Variants in CCDC192 observed in about 807,000 individuals in gnomAD.
CCDC192 encodes the protein coiled-coil domain-containing protein 192.
At chr5:127,755,098 T>A (rs1338204012) in intron 3 of CCDC192, among the ~76,000 whole-genome samples, 1 of 152,082 alleles carries the variant, frequency 6.6e-6, no homozygotes, top group Non-Finnish European at 1.5e-5. Flanking sequence ...CTGCTTGGAG[T>A]CTCGGTCCCC....
At chr5:127,846,969 C>T (rs1291205806) in intron 5 of CCDC192, among the ~76,000 whole-genome samples, 1 of 151,990 alleles carries the variant, frequency 6.6e-6, no homozygotes, top group Non-Finnish European at 1.5e-5. Context: ...TTCCACAGTC[C>T]CCCTCTTGTG....
intron 5 of CCDC192, among the ~76,000 whole-genome samples, chr5:127,812,809 G>A (rs995155893): frequency 1.3e-5 from 2 of 152,148 alleles, no homozygotes; most frequent in Admixed American, 6.6e-5. Flanking sequence ...TACTGCCTAC[G>A]AGTTTTGCAA....
intron 6 of CCDC192, among the ~76,000 whole-genome samples, chr5:127,895,588 C>T (rs1216957067): frequency 1.3e-5 from 2 of 152,050 alleles, no homozygotes; most frequent in African/African-American, 4.8e-5. Context: ...TCCTGTAATC[C>T]CAGCACTTTG....
chr5:127,927,031 G>T (rs944846605), intron 6 of CCDC192, among the ~76,000 whole-genome samples: 13 of 152,292 alleles, frequency 8.5e-5, no homozygotes, highest in Admixed American at 8.5e-4. Context: ...AAATCCATTG[G>T]ATTTGGTGGC....
At chr5:127,804,374 A>G (rs534136300) in intron 5 of CCDC192, among the ~76,000 whole-genome samples, 1 of 152,312 alleles carries the variant, frequency 6.6e-6, no homozygotes, top group African/African-American at 2.4e-5. Context: ...AGGAGTGGAC[A>G]TGTGCCAACT....
intron 3 of CCDC192, among the ~76,000 whole-genome samples, chr5:127,792,995 A>G (rs74467612): frequency 2.0e-4 from 31 of 152,336 alleles, no homozygotes; most frequent in African/African-American, 7.0e-4. Flanking sequence ...TCAAGCTACT[A>G]TAACAAAATA....
intron 6 of CCDC192, among the ~76,000 whole-genome samples, chr5:127,922,192 G>A (rs1430044882): frequency 6.6e-6 from 1 of 152,106 alleles, no homozygotes; most frequent in East Asian, 1.9e-4. Flanking sequence ...TTTTGATACA[G>A]TTGTGACTTT....
chr5:127,733,396 T>G (rs2126820889), intron 2 of CCDC192, among the ~76,000 whole-genome samples: 1 of 152,260 alleles, frequency 6.6e-6, no homozygotes, highest in East Asian at 1.9e-4. Context: ...CAGCAAACCC[T>G]GGAGTTATCA....
intron 3 of CCDC192, among the ~76,000 whole-genome samples, chr5:127,757,168 A>G (rs907816067): frequency 1.3e-5 from 2 of 152,206 alleles, no homozygotes; most frequent in Admixed American, 1.3e-4. Flanking sequence ...ATTGGAAGAC[A>G]TGGAGAATGA....
chr5:127,760,882 T>C (rs1754882735), intron 3 of CCDC192, among the ~76,000 whole-genome samples: 1 of 152,094 alleles, frequency 6.6e-6, no homozygotes, highest in Admixed American at 6.5e-5. Flanking sequence ...AGTCGTATGA[T>C]GAGACTCCTG....
intron 6 of CCDC192, among the ~76,000 whole-genome samples, chr5:127,904,623 C>T (rs1180914691): frequency 2.0e-5 from 3 of 151,650 alleles, no homozygotes; most frequent in African/African-American, 7.3e-5. Flanking sequence ...CTGCCTCAGC[C>T]CCTGAGTAGC....
At chr5:127,826,386 A>G (rs908303243) in intron 5 of CCDC192, among the ~76,000 whole-genome samples, 1 of 152,074 alleles carries the variant, frequency 6.6e-6, no homozygotes, top group African/African-American at 2.4e-5. Context: ...GATTTCTCAA[A>G]GAACTTAAAA....
chr5:127,711,844 C>T (rs984387904), intron 2 of CCDC192, among the ~76,000 whole-genome samples: 21 of 152,070 alleles, frequency 1.4e-4, no homozygotes, highest in Non-Finnish European at 2.8e-4. Context: ...TAAGAAATTA[C>T]ATCTCAAAAC....
At chr5:127,707,360 T>A (rs999454158) in intron 1 of CCDC192, among the ~76,000 whole-genome samples, 1 of 151,034 alleles carries the variant, frequency 6.6e-6, no homozygotes, top group Non-Finnish European at 1.5e-5. Context: ...GACAAAGAAT[T>A]CTCCACGTCT....
intron 2 of CCDC192, among the ~76,000 whole-genome samples, chr5:127,720,906 T>C (rs1086479): frequency 0.78 from 118,207 of 152,198 alleles, 46,025 homozygotes; most frequent in East Asian, 0.89. Flanking sequence ...CATGGCACCA[T>C]GTCCTGAGGC....
intron 6 of CCDC192, among the ~76,000 whole-genome samples, chr5:127,912,686 G>A (rs1367570424): frequency 6.6e-6 from 1 of 152,128 alleles, no homozygotes; most frequent in African/African-American, 2.4e-5. Flanking sequence ...GGATTACCTG[G>A]GGAGGAGGAA....
chr5:127,725,362 A>G (rs768625578), intron 2 of CCDC192, among the ~76,000 whole-genome samples: 7 of 152,202 alleles, frequency 4.6e-5, no homozygotes, highest in Non-Finnish European at 7.4e-5. Context: ...TAGTGTGTAA[A>G]GTAGCACTGT....
intron 2 of CCDC192, among the ~76,000 whole-genome samples, chr5:127,710,177 T>C (rs749699619): frequency 2.0e-5 from 3 of 151,486 alleles, no homozygotes; most frequent in Non-Finnish European, 4.4e-5. Flanking sequence ...CTGGAGGGAG[T>C]TGGGATTAGA....
At chr5:127,760,938 A>G (rs574573475) in intron 3 of CCDC192, among the ~76,000 whole-genome samples, 7 of 151,876 alleles carry the variant, frequency 4.6e-5, no homozygotes, top group African/African-American at 7.2e-5. Flanking sequence ...GTATTTGAAG[A>G]AAGAAAATAT....
Sources: allele counts gnomAD v4.1 joint callset (sites outside exome capture counted in the v4.1 genomes callset), GRCh38; gene constraint gnomAD v4.1.1; transcripts MANE v1.5; gene names NCBI Gene and HGNC (gene_info 2026-07-23, HGNC 2026-07-21).